Variants in LRRC37A2 observed in about 807,000 individuals in gnomAD.
LRRC37A2 encodes leucine rich repeat containing 37 member A2.
A neutral mutation model predicts 68.8 loss-of-function variants in LRRC37A2; 9 were observed. The ratio of observed to expected loss-of-function variants is 0.13; its 90% CI spans 0.08 to 0.23. The LOEUF (loss-of-function observed/expected upper bound fraction) is 0.23, where lower values mean the gene tolerates loss of function less well. Ranked by LOEUF, LRRC37A2 falls within the 10% of genes least tolerant of loss-of-function variation. LRRC37A2 has a pLI of 1.00. For missense variants in LRRC37A2, 168 were observed against 950.4 expected, an observed-to-expected ratio of 0.18 and a Z score of 10.82; for synonymous variants, 63 against 367.6, an observed-to-expected ratio of 0.17 and a Z score of 9.48.
chr17:46,729,535 A>C, the LRRC37A2 span, among the ~76,000 whole-genome samples: 2 of 33,878 alleles, frequency 5.9e-5, no homozygotes. Flanking sequence ...CCAACCTATG[A>C]AGGTTGGTTA....
At chr17:47,049,105 T>G in the LRRC37A2 span, 3 of 922,104 alleles carry the variant, frequency 3.3e-6, no homozygotes, top group South Asian at 2.9e-5. Context: ...CTCAAATGTT[T>G]GCTGACTCCT....
the LRRC37A2 span, chr17:46,923,062 G>C: frequency 1.4e-6 from 1 of 707,740 alleles, no homozygotes; most frequent in African/African-American, 1.7e-5. Flanking sequence ...CTAGTAAGGC[G>C]CGCGTGCGGG....
chr17:46,851,896 C>G, the LRRC37A2 span, among the ~76,000 whole-genome samples: 226 of 152,322 alleles, frequency 1.5e-3, no homozygotes, highest in African/African-American at 5.3e-3. This position sits in a 1 kb window ranked among gnomAD's most constrained non-coding sequence, Gnocchi z 4.3. Flanking sequence ...AGTTCGGTCT[C>G]CAGCTTCCCC....
At chr17:46,839,972 CTT>C in the LRRC37A2 span, among the ~76,000 whole-genome samples, 2 of 124,840 alleles carry the variant, frequency 1.6e-5, no homozygotes, top group African/African-American at 3.0e-5. Context: ...TTCTTTCTTT[CTT>C]TCTCTTCTTT....
At chr17:46,874,080 T>C in the LRRC37A2 span, among the ~76,000 whole-genome samples, 1 of 151,634 alleles carries the variant, frequency 6.6e-6, no homozygotes, top group Non-Finnish European at 1.5e-5. Flanking sequence ...GCCAAGCTAA[T>C]GGCCTCTCTC....
At chr17:46,771,060 C>G in the LRRC37A2 span, among the ~76,000 whole-genome samples, 2 of 152,220 alleles carry the variant, frequency 1.3e-5, no homozygotes, top group African/African-American at 4.8e-5. Context: ...CCCGCCTCCC[C>G]TCCTGGGCTG....
At chr17:46,855,023 T>C in the LRRC37A2 span, among the ~76,000 whole-genome samples, 1 of 152,194 alleles carries the variant, frequency 6.6e-6, no homozygotes, top group Non-Finnish European at 1.5e-5. Context: ...CAGAGCCATG[T>C]AGGATGGGTG....
chr17:47,035,815 C>CGCAACA, the LRRC37A2 span, among the ~76,000 whole-genome samples: 2 of 152,154 alleles, frequency 1.3e-5, no homozygotes, highest in Non-Finnish European at 2.9e-5. Context: ...GGGTCTTTGT[C>CGCAACA]AACACTGTCG....
At position 46,541,264 on chromosome 17, in the gene LRRC37A2, G is replaced by A. The variant is rs556835507; in HGVS notation, c.3053+383G>A. On this transcript the variant is annotated intron_variant, in intron 8 of 14. Coordinates refer to ENST00000576629, the Ensembl canonical transcript of LRRC37A2. ...TTCACAAAGCCTAATTTTTTTTTTT[G>A]TTTTTGAAATGGAATCTCACTCTGT... Among the ~76,000 whole-genome samples the A allele has an allele frequency of 3.4e-5, 5 of 148,676 alleles. No homozygotes were observed. In the East Asian group the frequency reaches 9.8e-4, roughly 29 times the overall value.
chr17:46,437,682 C>T, the LRRC37A2 span, among the ~76,000 whole-genome samples: 2 of 150,702 alleles, frequency 1.3e-5, no homozygotes, highest in Admixed American at 6.6e-5. Context: ...TGAATTTATC[C>T]TCGATGATAT....
the LRRC37A2 span, chr17:46,749,739 T>C: frequency 1.2e-3 from 1,938 of 1,592,644 alleles, 28 homozygotes; most frequent in African/African-American, 0.022. Flanking sequence ...AGTCTTATTA[T>C]GTACATTTTA....
chr17:46,726,760 C>T, the LRRC37A2 span: 1 of 754,250 alleles, frequency 1.3e-6, no homozygotes, highest in East Asian at 2.6e-5. Flanking sequence ...ATAATGTTCT[C>T]TCTTAAATAG....
chr17:46,493,390 G>A, the LRRC37A2 span, among the ~76,000 whole-genome samples: 1 of 126,490 alleles, frequency 7.9e-6, no homozygotes, highest in African/African-American at 3.3e-5. Context: ...TTCGAATCCT[G>A]GGCTCAAGCG....
the LRRC37A2 span, among the ~76,000 whole-genome samples, chr17:46,914,382 C>T: frequency 6.6e-6 from 1 of 151,838 alleles, no homozygotes; most frequent in Non-Finnish European, 1.5e-5. Flanking sequence ...GGCGCAGTGG[C>T]TCACGCCTGT....
chr17:46,973,601 G>A, the LRRC37A2 span, among the ~76,000 whole-genome samples: 5 of 152,116 alleles, frequency 3.3e-5, no homozygotes, highest in South Asian at 2.1e-4. Flanking sequence ...GTGAGCAGGC[G>A]CTGCCTCAGA....
At chr17:46,938,533 G>A in the LRRC37A2 span, 1 of 1,609,068 alleles carries the variant, frequency 6.2e-7, no homozygotes. Flanking sequence ...ATCTCCTGAT[G>A]CCATTCACCC....
the LRRC37A2 span, among the ~76,000 whole-genome samples, chr17:46,921,602 C>A: frequency 9.2e-5 from 14 of 152,292 alleles, no homozygotes; most frequent in South Asian, 2.9e-3. Flanking sequence ...GAGCTAATAT[C>A]CAGAATCTAC....
the LRRC37A2 span, among the ~76,000 whole-genome samples, chr17:46,867,699 G>T: frequency 6.6e-6 from 1 of 151,640 alleles, no homozygotes; most frequent in Non-Finnish European, 1.5e-5. Flanking sequence ...ATTGTGGGTG[G>T]GGTGTGTGTT....
the LRRC37A2 span, among the ~76,000 whole-genome samples, chr17:46,771,813 C>T: frequency 2.1e-5 from 3 of 144,526 alleles, no homozygotes; most frequent in African/African-American, 7.4e-5. Context: ...GTGTGAATGG[C>T]GCGGCGGCCG....
Sources: allele counts gnomAD v4.1 joint callset (sites outside exome capture counted in the v4.1 genomes callset), GRCh38; gene constraint gnomAD v4.1.1; non-coding constraint Gnocchi (gnomAD v3.1); transcripts MANE v1.5; gene names NCBI Gene and HGNC (gene_info 2026-07-23, HGNC 2026-07-21).